Variants in FOCAD observed in about 807,000 individuals in gnomAD.
FOCAD encodes the protein focadhesin.
A neutral mutation model predicts 225.6 loss-of-function variants in FOCAD; 198 were observed. The ratio of observed to expected loss-of-function variants is 0.88; its 90% CI spans 0.78 to 0.99. The LOEUF (loss-of-function observed/expected upper bound fraction) is 0.99. Among genes scored for constraint, FOCAD ranks in the 50% least tolerant of loss-of-function variants. The pLI is 0.00. For synonymous variants in FOCAD, 897 were observed against 755.0 expected (o/e 1.19, Z -3.08); for missense variants, 2,713 against 2,123.6 (o/e 1.28, Z -5.46).
chr9:20,939,082 G>A (rs929455996), intron 28 of FOCAD, among the ~76,000 whole-genome samples: 4 of 142,950 alleles, frequency 2.8e-5, no homozygotes, highest in African/African-American at 7.6e-5. Flanking sequence ...CCCGGGAGGC[G>A]GAGCTTGCAG....
At position 20,889,979 on chromosome 9, in the gene FOCAD, G is replaced by T. The variant is rs1348933114; in HGVS notation, c.2625+4749G>T. Among the ~76,000 whole-genome samples the T allele has an allele frequency of 8.6e-5, 13 of 152,042 alleles. 1 individual carries two copies. The highest frequency in any genetic ancestry group is 8.5e-4 in the Admixed American group (13 of 15,246). Reference sequence around the variant, plus strand: ...AAGTATTTTGATGCTATTCAAATTGGACTTTTTATTTTAATTTTTTACTGT... The same window carrying T: ...AAGTATTTTGATGCTATTCAAATTGTACTTTTTATTTTAATTTTTTACTGT... On this transcript the variant is annotated intron_variant, in intron 21 of 43. Coordinates refer to ENST00000338382, the MANE Select transcript of FOCAD (RefSeq NM_001375567.1).
At chr9:20,760,680 T>A (rs1829510617) in intron 6 of FOCAD, among the ~76,000 whole-genome samples, 1 of 152,252 alleles carries the variant, frequency 6.6e-6, no homozygotes, top group Non-Finnish European at 1.5e-5. Context: ...CTTGCATGGT[T>A]ACATAATACC....
Position 20,872,522 on chromosome 9 carries a change from C to G in FOCAD, c.2191-2159C>G, listed in dbSNP as rs545322620. On this transcript the variant is annotated intron_variant, in intron 18 of 43. Transcript: ENST00000338382. The stretch of plus-strand genomic sequence containing the variant: ...CCCTTACTCTTTTCATTCTACTCCC[C>G]TCCTCTTCCCCTCCCCCTCCTCCTC... Among the ~76,000 whole-genome samples the G allele has an allele frequency of 1.6e-3, 234 of 142,802 alleles. 1 individual carries two copies. Among genetic ancestry groups the G allele is most frequent in the African/African-American group, 5.7e-3 (219 of 38,626 alleles). The allele number at this position is 142,802 out of a possible 152,430, so 93.7% of individuals were successfully genotyped here. A position where few individuals can be genotyped will look rare whatever the true frequency, so the allele number is the denominator to read the frequency against.
In FOCAD at chr9:20,770,243, G is replaced by A; in HGVS notation, c.906+5G>A. ...AGTGTTGAACTTCTGAAGGAGGTAA[G>A]GATAGTAGTATATTATACTGTTCAT... On this transcript the variant is annotated splice_donor_5th_base_variant and intron_variant, in intron 8 of 43. Coordinates refer to ENST00000338382, the MANE Select transcript of FOCAD (RefSeq NM_001375567.1). 1 of 1,610,964 alleles carries A rather than the reference G, an allele frequency of 6.2e-7. No homozygotes were observed. The highest frequency in any genetic ancestry group is 1.1e-5 in the South Asian group (1 of 90,974).
intron 25 of FOCAD, among the ~76,000 whole-genome samples, chr9:20,926,079 A>G (rs1289834484): frequency 4.6e-5 from 7 of 152,156 alleles, no homozygotes; most frequent in Non-Finnish European, 1.0e-4. Context: ...TAATTTGTTC[A>G]TAAAAGATAC....
At chr9:20,738,915 T>C (rs772383573) in intron 4 of FOCAD, among the ~76,000 whole-genome samples, 39 of 152,170 alleles carry the variant, frequency 2.6e-4, no homozygotes, top group Non-Finnish European at 4.4e-4. Context: ...AAATTATACA[T>C]GGTATTTAAT....
At chr9:20,682,506 GT>G (rs1369479458), upstream of FOCAD, among the ~76,000 whole-genome samples, 1 of 152,156 alleles carries the variant, frequency 6.6e-6, no homozygotes, top group Non-Finnish European at 1.5e-5. Flanking sequence ...GCCTCATAAA[GT>G]TGTTCTGTGG....
chr9:20,718,985 AT>A (rs1563910826), intron 3 of FOCAD, among the ~76,000 whole-genome samples: 1 of 152,200 alleles, frequency 6.6e-6, no homozygotes, highest in Non-Finnish European at 1.5e-5. Context: ...TCCTGTAGTG[AT>A]TGTTAACTGT....
rs930236446 is a variant in FOCAD at position 20,990,435 on chromosome 9, A to C, written c.5256+61A>C. 3 of 1,580,080 alleles carry C rather than the reference A, an allele frequency of 1.9e-6. No homozygotes were observed. The East Asian group carries it at 6.9e-5, about 36-fold the overall frequency. ...AGCCATTGTCTCTTCAGCAGTTTCT[A>C]CTGTAGAATTGAGGTGGGAGTTAAG... is the stretch of plus-strand genomic sequence containing the variant. On this transcript the variant is annotated intron_variant, in intron 42 of 43. Coordinates refer to ENST00000338382, the MANE Select transcript of FOCAD (RefSeq NM_001375567.1).
At chr9:20,696,052 A>G (rs1431071617) in intron 1 of FOCAD, among the ~76,000 whole-genome samples, 2 of 152,250 alleles carry the variant, frequency 1.3e-5, no homozygotes, top group African/African-American at 2.4e-5. Flanking sequence ...TTGTTTTAGA[A>G]ATGGATAAAT....
At chr9:20,950,894 G>A (rs772783098) in intron 33 of FOCAD, 102 bp from the exon 34 acceptor site, 203 of 958,502 alleles carry the variant, frequency 2.1e-4, no homozygotes, top group Non-Finnish European at 3.2e-4. Context: ...TGCCAGCCAA[G>A]CCACCACCTC....
At chr9:20,940,796 G>A (rs917238331) in intron 28 of FOCAD, among the ~76,000 whole-genome samples, 1 of 152,154 alleles carries the variant, frequency 6.6e-6, no homozygotes, top group East Asian at 1.9e-4. Context: ...TTAATAAGTG[G>A]CAGAGCCAAG....
intron 19 of FOCAD, among the ~76,000 whole-genome samples, chr9:20,879,288 C>T (rs1422989911): frequency 6.6e-6 from 1 of 152,150 alleles, no homozygotes; most frequent in Non-Finnish European, 1.5e-5. Flanking sequence ...CACTAATTCC[C>T]TCCCCAGGAT....
At chr9:20,659,489 A>C (rs1423658596) in intron 2 of FOCAD, among the ~76,000 whole-genome samples, 1 of 152,048 alleles carries the variant, frequency 6.6e-6, no homozygotes, top group Non-Finnish European at 1.5e-5. Flanking sequence ...TAAGAAGAGG[A>C]AGTTTGGCCA....
chr9:20,747,023 T>G (rs1434784222), intron 5 of FOCAD, among the ~76,000 whole-genome samples: 1 of 152,152 alleles, frequency 6.6e-6, no homozygotes, highest in African/African-American at 2.4e-5. Context: ...GTCGAGGTAG[T>G]GTGTGGTTTC....
At chr9:20,839,411 C>T (rs1056783763) in intron 15 of FOCAD, among the ~76,000 whole-genome samples, 1 of 151,618 alleles carries the variant, frequency 6.6e-6, no homozygotes, top group Non-Finnish European at 1.5e-5. Context: ...GGTGTGCAGA[C>T]CCGTGCCTGA....
intron 41 of FOCAD, among the ~76,000 whole-genome samples, chr9:20,989,060 C>T (rs1841434058): frequency 6.6e-6 from 1 of 152,190 alleles, no homozygotes; most frequent in Admixed American, 6.5e-5. Context: ...CAGCTCTTTC[C>T]TGCTTTCCTT....
chr9:20,841,779 C>A (rs912718302), intron 15 of FOCAD, among the ~76,000 whole-genome samples: 2 of 150,234 alleles, frequency 1.3e-5, no homozygotes, highest in Admixed American at 1.3e-4. Flanking sequence ...TTTGTTATTT[C>A]TTTTCTTCTA....
At chr9:20,933,317 A>G (rs1835662431) in intron 28 of FOCAD, among the ~76,000 whole-genome samples, 1 of 152,206 alleles carries the variant, frequency 6.6e-6, no homozygotes, top group African/African-American at 2.4e-5. Context: ...TACACTGCAC[A>G]CAATTTGTCA....
Sources: allele counts gnomAD v4.1 joint callset (sites outside exome capture counted in the v4.1 genomes callset), GRCh38; gene constraint gnomAD v4.1.1; transcripts MANE v1.5; gene names NCBI Gene and HGNC (gene_info 2026-07-23, HGNC 2026-07-21).